ADAMTS8: variants seen among roughly 807,000 people sequenced by gnomAD.
ADAMTS8 encodes the protein A disintegrin and metalloproteinase with thrombospondin motifs 8.
ADAMTS8 carries 50 observed loss-of-function variants against 64.4 expected under a neutral mutation model. The observed-to-expected ratio is 0.78, with a 90% CI of 0.62 to 0.98. The LOEUF (loss-of-function observed/expected upper bound fraction) is 0.98, where lower values mean the gene tolerates loss of function less well. Among genes scored for constraint, ADAMTS8 ranks in the 50% least tolerant of loss-of-function variants. The probability of loss-of-function intolerance (pLI) is 0.00; values close to 1 mark genes in which losing one functional copy is unlikely to be tolerated. For synonymous variants in ADAMTS8, 556 were observed against 533.6 expected (o/e 1.04, Z -0.58); for missense variants, 1,192 against 1,208.2 (o/e 0.99, Z 0.20).
At position 130,405,068 on chromosome 11, in the gene ADAMTS8, A is replaced by T; in HGVS notation, c.*490T>A. On this transcript the variant is annotated 3_prime_UTR_variant, in exon 9 of 9. Coordinates refer to ENST00000257359, the MANE Select transcript of ADAMTS8 (RefSeq NM_007037.6). Reference sequence around the variant, plus strand: ...TTTAGGTGATGGATTTTAACACTGAAGACAGTCGTGGTCATTCTTGAAGAC... The same window carrying T: ...TTTAGGTGATGGATTTTAACACTGATGACAGTCGTGGTCATTCTTGAAGAC... 1 of 988,096 alleles carries T rather than the reference A, an allele frequency of 1.0e-6. No individual in the cohort carries two copies. The highest frequency in any genetic ancestry group is 1.2e-6 in the Non-Finnish European group (1 of 831,634). 61.2% of individuals were successfully genotyped at this position (988,096 alleles called of 1,614,324 possible).
intron 1 of ADAMTS8, among the ~76,000 whole-genome samples, chr11:130,424,762 TG>T (rs1447470429): frequency 1.3e-5 from 2 of 152,146 alleles, no homozygotes; most frequent in Non-Finnish European, 2.9e-5. Flanking sequence ...ACGCCTGTCC[TG>T]CAGCATCTCC....
intron 8 of ADAMTS8, 120 bp from the exon 9 acceptor site, chr11:130,406,248 A>T (rs1592127110): frequency 7.9e-7 from 1 of 1,260,238 alleles, no homozygotes; most frequent in Non-Finnish European, 1.1e-6. Context: ...AAAGCAAGTA[A>T]TTAAGCAAGT....
At chr11:130,423,393 AG>A (rs966590005) in intron 1 of ADAMTS8, among the ~76,000 whole-genome samples, 4 of 151,388 alleles carry the variant, frequency 2.6e-5, no homozygotes, top group African/African-American at 7.3e-5. Context: ...GCCACAGAGC[AG>A]GGGGGGGCAT....
intron 1 of ADAMTS8, among the ~76,000 whole-genome samples, chr11:130,427,272 G>A (rs1862178848): frequency 6.6e-6 from 1 of 152,200 alleles, no homozygotes; most frequent in Admixed American, 6.5e-5. Flanking sequence ...TGCGCCACGT[G>A]CCGCGGGAGA....
chr11:130,428,467 T>C lies in ADAMTS8; in HGVS notation c.-181A>G. On this transcript the variant is annotated 5_prime_UTR_variant, in exon 1 of 9. Coordinates refer to ENST00000257359, the MANE Select transcript of ADAMTS8 (RefSeq NM_007037.6). Reference sequence around the variant, plus strand: ...GCGCTCCCCCGGCGGCCCCTCTGGCTGGCGCAGCCCGCTCCTCCCGCGCCG... The same window carrying C: ...GCGCTCCCCCGGCGGCCCCTCTGGCCGGCGCAGCCCGCTCCTCCCGCGCCG... The C allele has an allele frequency of 9.9e-7, 1 of 1,013,172 alleles. No homozygotes were observed. The highest frequency in any genetic ancestry group is 1.2e-6 in the Non-Finnish European group (1 of 850,450). The allele number at this position is 1,013,172 out of a possible 1,614,324, so 62.8% of individuals were successfully genotyped here.
intron 5 of ADAMTS8, among the ~76,000 whole-genome samples, chr11:130,413,579 A>T (rs1391315830): frequency 2.0e-5 from 3 of 152,278 alleles, no homozygotes; most frequent in South Asian, 2.1e-4. Context: ...CACAGTTTGG[A>T]TGTATTCAGA....
chr11:130,413,432 T>G (rs1467718674), intron 5 of ADAMTS8, among the ~76,000 whole-genome samples: 1 of 152,134 alleles, frequency 6.6e-6, no homozygotes, highest in African/African-American at 2.4e-5. Flanking sequence ...CAAGGCTCAG[T>G]GCAAAAGACA....
At chr11:130,422,561 C>G (rs956114512) in intron 1 of ADAMTS8, among the ~76,000 whole-genome samples, 5 of 152,316 alleles carry the variant, frequency 3.3e-5, no homozygotes, top group African/African-American at 4.8e-5. Flanking sequence ...CTCTTCCTAT[C>G]TGACGTCTCT....
rs1359538535 is a variant in ADAMTS8, at chr11:130,408,796, C to T, written c.1895G>A (p.Arg632Lys). ...GGCCTCGAACACTTTGAACTCGCTC[C>T]TCCCCCGGGCTCGGCAGAACAACTT... ...RCKLFCRARG[R>K]SEFKVFEAKV... is the part of the protein sequence containing the mutation. Residue 632 changes from arginine to lysine, a missense_variant, in exon 7 of 9, where the codon AGG becomes AAG. Around this residue, in one of 5 missense-constraint regions of ADAMTS8, gnomAD observed 290 missense variants for 297.8 expected, o/e 0.97. Transcript: ENST00000257359. 5.0e-6 allele frequency: 8 copies of T among 1,614,042 alleles called. No homozygotes were observed. Among genetic ancestry groups the T allele is most frequent in the Non-Finnish European group, 6.8e-6 (8 of 1,180,024 alleles).
intron 1 of ADAMTS8, among the ~76,000 whole-genome samples, chr11:130,421,142 GACAGC>G (rs1862093924): frequency 1.3e-5 from 2 of 152,336 alleles, no homozygotes; most frequent in East Asian, 3.9e-4. Flanking sequence ...TCGGGGCCGA[GACAGC>G]TCAGCACAAG....
intron 8 of ADAMTS8, among the ~76,000 whole-genome samples, chr11:130,408,085 C>T (rs1861905977): frequency 1.3e-5 from 2 of 152,122 alleles, no homozygotes; most frequent in African/African-American, 2.4e-5. Flanking sequence ...GTGAGACGTC[C>T]TTCCCAAAAC....
At chr11:130,407,138 C>T (rs1241670378) in intron 8 of ADAMTS8, among the ~76,000 whole-genome samples, 3 of 152,276 alleles carry the variant, frequency 2.0e-5, no homozygotes, top group East Asian at 1.9e-4. Context: ...GAGGCCAAGG[C>T]GGGCGGATCA....
chr11:130,424,407 G>T (rs1862136880), intron 1 of ADAMTS8, among the ~76,000 whole-genome samples: 1 of 152,218 alleles, frequency 6.6e-6, no homozygotes, highest in South Asian at 2.1e-4. Flanking sequence ...CTCAGAGAGT[G>T]GCTAAACCTT....
intron 8 of ADAMTS8, 88 bp downstream of exon 8, chr11:130,408,376 C>T: frequency 1.3e-6 from 2 of 1,481,652 alleles, no homozygotes; most frequent in Non-Finnish European, 1.8e-6. Flanking sequence ...TATTAAGTAG[C>T]AGCCACAGTT....
chr11:130,410,566 A>G (rs548417138), intron 6 of ADAMTS8, among the ~76,000 whole-genome samples: 1 of 152,324 alleles, frequency 6.6e-6, no homozygotes, highest in African/African-American at 2.4e-5. Flanking sequence ...CGCAAAGCCT[A>G]CAGATTCTCC....
In ADAMTS8 at chr11:130,411,950, T is replaced by G. The variant is rs1422244434; in HGVS notation, c.1567-350A>C. 15 of 261,248 alleles carry G rather than the reference T, an allele frequency of 5.7e-5. No individual in the cohort carries two copies. The Admixed American group carries it at 7.5e-4, about 13-fold the overall frequency. The allele number at this position is 261,248 out of a possible 1,614,324, so 16.2% of individuals were successfully genotyped here. ...TTCTCCGTTGGGGCGAATTCTGCCCTCCAGGGGACATTTGGCAATGTCTGG... is the reference window on the plus strand; with the variant it reads ...TTCTCCGTTGGGGCGAATTCTGCCCGCCAGGGGACATTTGGCAATGTCTGG... On this transcript the variant is annotated intron_variant, in intron 5 of 8. Transcript: ENST00000257359. The surrounding 1 kb of genome is among the most constrained non-coding windows in gnomAD (Gnocchi z 4.2).
In ADAMTS8 at chr11:130,408,809, G is replaced by T. The variant is rs756118000; in HGVS notation, c.1882C>A (p.Arg628=). 4.3e-6 allele frequency: 7 copies of T among 1,613,982 alleles called. No homozygotes were observed. The Admixed American group carries it at 6.7e-5, about 15-fold the overall frequency. Residue 628 remains arginine, a synonymous_variant, in exon 7 of 9, where the codon CGA becomes AGA. Coordinates refer to ENST00000257359, the MANE Select transcript of ADAMTS8 (RefSeq NM_007037.6). ...TTGAACTCGCTCCTCCCCCGGGCTCGGCAGAACAACTTGCAGCGGTCCCGG... is the reference window on the plus strand; with the variant it reads ...TTGAACTCGCTCCTCCCCCGGGCTCTGCAGAACAACTTGCAGCGGTCCCGG... The part of the protein sequence containing the change: ...SPRDRCKLFC[R]ARGRSEFKVF...
At chr11:130,425,062 T>C (rs1184381174) in intron 1 of ADAMTS8, among the ~76,000 whole-genome samples, 1 of 152,028 alleles carries the variant, frequency 6.6e-6, no homozygotes, top group African/African-American at 2.4e-5. Flanking sequence ...CAGGTGCCAA[T>C]GTGCAGCTGG....
intron 8 of ADAMTS8, 61 bp downstream of exon 8, chr11:130,408,403 G>A (rs1861909840): frequency 1.9e-6 from 3 of 1,579,802 alleles, no homozygotes; most frequent in Non-Finnish European, 2.6e-6. Flanking sequence ...GGGCCTAGCA[G>A]AGTGCAAAGC....
Sources: allele counts gnomAD v4.1 joint callset (sites outside exome capture counted in the v4.1 genomes callset), GRCh38; gene constraint gnomAD v4.1.1; regional missense constraint gnomAD v4.1.1; non-coding constraint Gnocchi (gnomAD v3.1); transcripts MANE v1.5; gene names NCBI Gene and HGNC (gene_info 2026-07-23, HGNC 2026-07-21).